LHFPL3: variants seen among roughly 807,000 people sequenced by gnomAD.
LHFPL3 encodes the protein LHFPL tetraspan subfamily member 3.
A neutral mutation model predicts 19.3 loss-of-function variants in LHFPL3; 5 were observed. The observed-to-expected ratio is 0.26, with a 90% CI of 0.14 to 0.54. The LOEUF (loss-of-function observed/expected upper bound fraction) is 0.54. Ranked by LOEUF, LHFPL3 falls within the 20% of genes least tolerant of loss-of-function variation. LHFPL3 has a pLI of 0.94. For synonymous variants in LHFPL3, 133 were observed against 126.2 expected, an observed-to-expected ratio of 1.05 and a Z score of -0.36; for missense variants, 249 against 307.4, an observed-to-expected ratio of 0.81 and a Z score of 1.42.
In LHFPL3 at chr7:104,824,278, CAA is replaced by C. The variant is rs1265334618; in HGVS notation, c.683-81908_683-81907del. Among the ~76,000 whole-genome samples the C allele has an allele frequency of 1.4e-3, 10 of 7,238 alleles. No individual in the cohort carries two copies. In the East Asian group the frequency reaches 0.022, roughly 16 times the overall value. 4.7% of individuals were successfully genotyped at this position (7,238 alleles called of 152,430 possible). ...AATTATATATATTATATATTATATACAATATATATAATATATTATATATTATA... is the reference window on the plus strand; with the variant it reads ...AATTATATATATTATATATTATATACTATATATAATATATTATATATTATA... On this transcript the variant is annotated intron_variant, in intron 2 of 2. Transcript: ENST00000424859.
chr7:104,601,867 A>T (rs1304071046), intron 1 of LHFPL3, among the ~76,000 whole-genome samples: 1 of 152,104 alleles, frequency 6.6e-6, no homozygotes, highest in African/African-American at 2.4e-5. Context: ...GGTTCCCCAC[A>T]TTCATAGGTG....
At chr7:104,449,119 C>G (rs193054264) in intron 1 of LHFPL3, among the ~76,000 whole-genome samples, 175 of 152,276 alleles carry the variant, frequency 1.1e-3, no homozygotes, top group African/African-American at 3.9e-3. Flanking sequence ...AAGTAGACTT[C>G]TGAACTGAAA....
chr7:104,328,975 G>A lies in LHFPL3; in HGVS notation c.196G>A (p.Asp66Asn). The A allele has an allele frequency of 1.9e-6, 3 of 1,614,196 alleles. No individual in the cohort carries two copies. The highest frequency in any genetic ancestry group is 2.5e-6 in the Non-Finnish European group (3 of 1,180,032). Reference sequence around the variant, plus strand: ...GCCCTACTGGATAGGCGACGGCGTGGACACCCCGCAAGCCGGCTATTTCGG... The same window carrying A: ...GCCCTACTGGATAGGCGACGGCGTGAACACCCCGCAAGCCGGCTATTTCGG... ...IQPYWIGDGV[D>N]TPQAGYFGLF... Residue 66 changes from aspartate (D) to asparagine (N), a missense_variant, in exon 1 of 3, where the codon GAC (aspartate) becomes AAC (asparagine). By Grantham distance (23) the Asp-to-Asn change is conservative. Transcript: ENST00000424859. This position sits in a 1 kb window ranked among gnomAD's most constrained non-coding sequence, Gnocchi z 4.6.
chr7:104,822,494 G>A (rs995859623), intron 2 of LHFPL3, among the ~76,000 whole-genome samples: 1 of 152,148 alleles, frequency 6.6e-6, no homozygotes, highest in Non-Finnish European at 1.5e-5. Context: ...CCTGTGCATT[G>A]TAGGATGTTT....
intron 1 of LHFPL3, among the ~76,000 whole-genome samples, chr7:104,726,999 T>C (rs182529111): frequency 6.6e-6 from 1 of 152,324 alleles, no homozygotes; most frequent in African/African-American, 2.4e-5. Context: ...CATCTGTTGC[T>C]TCTTGGGTTT....
Position 104,792,751 on chromosome 7 carries a change from A to C in LHFPL3, c.682+55840A>C, listed in dbSNP as rs79102182. On this transcript the variant is annotated intron_variant, in intron 2 of 2. Transcript: ENST00000424859. ...GGATAGCTGGTAAACTCAATTCTGCATCTACTTATCTTTCTTTCAGTACAT... is the reference window on the plus strand; with the variant it reads ...GGATAGCTGGTAAACTCAATTCTGCCTCTACTTATCTTTCTTTCAGTACAT... 5.9e-3 allele frequency among the ~76,000 whole-genome samples: 903 copies of C among 152,340 alleles called. 12 individuals are homozygous for C. The highest frequency in any genetic ancestry group is 0.021 in the African/African-American group (870 of 41,570).
chr7:104,346,399 A>G (rs1790066156), intron 1 of LHFPL3, among the ~76,000 whole-genome samples: 1 of 150,626 alleles, frequency 6.6e-6, no homozygotes, highest in African/African-American at 2.5e-5. Flanking sequence ...TCCCGTGGAT[A>G]ATATTCTATT....
chr7:104,344,154 A>AT (rs1258359760), intron 1 of LHFPL3, among the ~76,000 whole-genome samples: 4 of 152,180 alleles, frequency 2.6e-5, no homozygotes, highest in African/African-American at 9.7e-5. Flanking sequence ...TTGATAAGAT[A>AT]ATTATAATAC....
At chr7:104,753,938 A>G (rs560624932) in intron 2 of LHFPL3, among the ~76,000 whole-genome samples, 1 of 152,322 alleles carries the variant, frequency 6.6e-6, no homozygotes, top group African/African-American at 2.4e-5. Flanking sequence ...GACCATTATG[A>G]GGAGCAATTT....
chr7:104,377,153 T>C (rs923761758), intron 1 of LHFPL3, among the ~76,000 whole-genome samples: 2 of 152,208 alleles, frequency 1.3e-5, no homozygotes, highest in East Asian at 3.9e-4. Context: ...TTCTGACATC[T>C]TGTAAAGTTC....
chr7:104,833,975 G>C (rs779166898), intron 2 of LHFPL3, among the ~76,000 whole-genome samples: 2 of 145,354 alleles, frequency 1.4e-5, no homozygotes, highest in East Asian at 4.2e-4. Flanking sequence ...GGAGTAAGGA[G>C]ACCCAGTCTG....
chr7:104,551,962 G>A (rs751227006), intron 1 of LHFPL3, among the ~76,000 whole-genome samples: 1 of 152,048 alleles, frequency 6.6e-6, no homozygotes, highest in Admixed American at 6.6e-5. Context: ...TCAGTGTTGC[G>A]GCCTACTACC....
chr7:104,580,131 C>A (rs1790429156), intron 1 of LHFPL3, among the ~76,000 whole-genome samples: 1 of 152,158 alleles, frequency 6.6e-6, no homozygotes, highest in Admixed American at 6.5e-5. Context: ...ACTCACTCAT[C>A]TTTAGTAAAA....
chr7:104,727,443 C>A (rs1584499799), intron 1 of LHFPL3, among the ~76,000 whole-genome samples: 1 of 152,030 alleles, frequency 6.6e-6, no homozygotes, highest in South Asian at 2.1e-4. Flanking sequence ...TCTTTTAGGG[C>A]TTTTATAGCT....
At chr7:104,713,230 CAAAG>C (rs1793326868) in intron 1 of LHFPL3, among the ~76,000 whole-genome samples, 1 of 152,120 alleles carries the variant, frequency 6.6e-6, no homozygotes, top group South Asian at 2.1e-4. Flanking sequence ...GAAAGAAAGA[CAAAG>C]AAATTCATTA....
intron 2 of LHFPL3, chr7:104,759,761 G>C (rs1300037778): frequency 1.3e-5 from 2 of 152,312 alleles, no homozygotes; most frequent in African/African-American, 4.8e-5. Context: ...AAGCACCAAG[G>C]TTTTCTGGGC....
At chr7:104,548,022 C>A (rs958630810) in intron 1 of LHFPL3, among the ~76,000 whole-genome samples, 1 of 152,140 alleles carries the variant, frequency 6.6e-6, no homozygotes, top group African/African-American at 2.4e-5. Context: ...CAACATGCAT[C>A]TAGGCAAATA....
rs562015746 is a variant in LHFPL3 at position 104,370,552 on chromosome 7, C to T, written c.445+41328C>T. ...AAGCTAAGAAACAATAGTTTAATAA[C>T]GTGCACAGGTAGGTGCTACTATTAT... On this transcript the variant is annotated intron_variant, in intron 1 of 2. Coordinates refer to ENST00000424859, the MANE Select transcript of LHFPL3 (RefSeq NM_199000.3). 3.3e-5 allele frequency among the ~76,000 whole-genome samples: 5 copies of T among 152,248 alleles called. 1 individual carries two copies. Among genetic ancestry groups the T allele is most frequent in the African/African-American group, 7.2e-5 (3 of 41,548 alleles).
intron 1 of LHFPL3, among the ~76,000 whole-genome samples, chr7:104,637,007 G>T (rs796641301): frequency 4.6e-5 from 7 of 152,316 alleles, no homozygotes; most frequent in African/African-American, 1.7e-4. Flanking sequence ...CACCAGCAGT[G>T]TATAAAGATT....
Sources: gnomAD v4.1 joint callset for allele counts (sites outside exome capture counted in the v4.1 genomes callset) on GRCh38, gnomAD v4.1.1 for gene constraint, Gnocchi (gnomAD v3.1) non-coding constraint, MANE v1.5 for transcripts, NCBI Gene and HGNC (gene_info 2026-07-23, HGNC 2026-07-21) for gene names.